TBL1XR1: variants seen among roughly 807,000 people sequenced by gnomAD.
The protein encoded by TBL1XR1 is F-box-like/WD repeat-containing protein TBL1XR1.
In TBL1XR1, 5 loss-of-function variants were observed where a neutral mutation model predicts 66.9. The ratio of observed to expected loss-of-function variants is 0.07; its 90% CI spans 0.04 to 0.16. TBL1XR1 has a LOEUF of 0.16. Among genes scored for constraint, TBL1XR1 ranks in the 10% least tolerant of loss-of-function variants. The pLI is 1.00. For synonymous variants in TBL1XR1, 210 were observed against 206.0 expected, an observed-to-expected ratio of 1.02 and a Z score of -0.17; for missense variants, 238 against 623.2, an observed-to-expected ratio of 0.38 and a Z score of 6.58.
chr3:177,183,616 T>A (rs1249855655), intron 1 of TBL1XR1, among the ~76,000 whole-genome samples: 1 of 151,616 alleles, frequency 6.6e-6, no homozygotes, highest in Non-Finnish European at 1.5e-5. Flanking sequence ...GTTCAAGTGA[T>A]TCTCCTGCCT....
At chr3:177,151,004 T>C (rs371374781) in intron 1 of TBL1XR1, among the ~76,000 whole-genome samples, 19 of 152,222 alleles carry the variant, frequency 1.2e-4, no homozygotes, top group African/African-American at 4.6e-4. Context: ...AATATACTTG[T>C]TTCTGAGGTA....
chr3:177,044,741 C>T lies in TBL1XR1; in HGVS notation c.925+1388G>A, dbSNP rs539255853. ...ATGGGTAAACTGAAGCTTATTTATT[C>T]GTAAAAATACTTTGATACTATGTAC... On this transcript the variant is annotated intron_variant, in intron 10 of 15. Coordinates refer to ENST00000457928, the MANE Select transcript of TBL1XR1 (RefSeq NM_024665.7). 5.3e-5 allele frequency: 8 copies of T among 152,158 alleles called. 1 individual carries two copies. The Middle Eastern group carries it at 0.017, about 323-fold the overall frequency. The allele number at this position is 152,158 out of a possible 1,614,324, so 9.4% of individuals were successfully genotyped here.
At chr3:177,114,025 T>C (rs1725978800) in intron 1 of TBL1XR1, among the ~76,000 whole-genome samples, 1 of 152,090 alleles carries the variant, frequency 6.6e-6, no homozygotes, top group Non-Finnish European at 1.5e-5. Context: ...GATACATAAT[T>C]ACAGTTAGAC....
intron 1 of TBL1XR1, among the ~76,000 whole-genome samples, chr3:177,146,531 G>A (rs1331055427): frequency 7.5e-6 from 1 of 133,268 alleles, no homozygotes; most frequent in African/African-American, 2.8e-5. Flanking sequence ...CGGAGGTTGT[G>A]GTAAGCCAAG....
At chr3:177,071,031 G>GTTTTTTTGTTTTTTTTTTTT (rs1719917475) in intron 2 of TBL1XR1, among the ~76,000 whole-genome samples, 2 of 104,716 alleles carry the variant, frequency 1.9e-5, no homozygotes, top group African/African-American at 7.7e-5. Context: ...CTGAGAATCT[G>GTTTTTTTGTTTTTTTTTTTT]TTTTTTTTTT....
intron 15 of TBL1XR1, chr3:177,026,103 C>T (rs1162475340): frequency 4.5e-6 from 2 of 445,470 alleles, no homozygotes; most frequent in Non-Finnish European, 7.8e-6. Context: ...GAATGTTCCT[C>T]TGGTATACCT....
At chr3:177,110,428 C>A (rs907385538) in intron 1 of TBL1XR1, among the ~76,000 whole-genome samples, 4 of 152,134 alleles carry the variant, frequency 2.6e-5, no homozygotes, top group Admixed American at 1.3e-4. Context: ...ATTTAAAATA[C>A]CTGACTAGGG....
At chr3:177,190,590 T>C (rs1335938322) in intron 1 of TBL1XR1, among the ~76,000 whole-genome samples, 1 of 152,284 alleles carries the variant, frequency 6.6e-6, no homozygotes, top group Non-Finnish European at 1.5e-5. Context: ...AGTGCAGAGA[T>C]TACAGGCGTG....
intron 1 of TBL1XR1, among the ~76,000 whole-genome samples, chr3:177,163,203 G>A (rs1732428050): frequency 6.6e-6 from 1 of 152,042 alleles, no homozygotes; most frequent in Non-Finnish European, 1.5e-5. Context: ...ATGTCTTGCA[G>A]CCATTTAAAA....
At chr3:177,199,443 T>TA, upstream of TBL1XR1, among the ~76,000 whole-genome samples, 1 of 152,060 alleles carries the variant, frequency 6.6e-6, no homozygotes, top group Non-Finnish European at 1.5e-5. Flanking sequence ...CTTCAGTAAG[T>TA]AAACTATCTC....
intron 1 of TBL1XR1, among the ~76,000 whole-genome samples, chr3:177,189,732 C>A (rs1735896563): frequency 6.6e-6 from 1 of 151,248 alleles, no homozygotes; most frequent in South Asian, 2.1e-4. Context: ...ACTAATACAG[C>A]ACAGTCTTAC....
intron 1 of TBL1XR1, among the ~76,000 whole-genome samples, chr3:177,189,669 G>C (rs950211123): frequency 7.2e-5 from 4 of 55,210 alleles, no homozygotes; most frequent in African/African-American, 3.8e-4. Flanking sequence ...AAAAAAAGAA[G>C]GATGTAACAC....
intron 3 of TBL1XR1, among the ~76,000 whole-genome samples, chr3:177,062,764 C>A (rs1229465112): frequency 6.6e-6 from 1 of 151,564 alleles, no homozygotes; most frequent in Non-Finnish European, 1.5e-5. Flanking sequence ...TTTTTTAATT[C>A]TTGGTTTATT....
At chr3:177,137,906 G>A (rs941488388) in intron 1 of TBL1XR1, among the ~76,000 whole-genome samples, 1 of 152,202 alleles carries the variant, frequency 6.6e-6, no homozygotes, top group African/African-American at 2.4e-5. Flanking sequence ...TGAGGTTGGG[G>A]CTGCAGTGAG....
At chr3:177,131,906 T>TAAAAAAAAAA (rs71626253) in intron 1 of TBL1XR1, among the ~76,000 whole-genome samples, 1 of 145,016 alleles carries the variant, frequency 6.9e-6, no homozygotes. Context: ...AGTGGAAGTT[T>TAAAAAAAAAA]AAAAAAAAAA....
chr3:177,026,699 T>C, intron 14 of TBL1XR1: 4 of 433,400 alleles, frequency 9.2e-6, no homozygotes, highest in Non-Finnish European at 1.6e-5. Flanking sequence ...ATTCAGTTTC[T>C]CCAGTCTTGA....
chr3:177,083,430 C>G (rs1210621413), intron 2 of TBL1XR1, among the ~76,000 whole-genome samples: 1 of 152,170 alleles, frequency 6.6e-6, no homozygotes, highest in Non-Finnish European at 1.5e-5. Flanking sequence ...GCATCATAAG[C>G]AGGTCACAGC....
chr3:177,189,616 A>G (rs1735865656), intron 1 of TBL1XR1, among the ~76,000 whole-genome samples: 1 of 148,620 alleles, frequency 6.7e-6, no homozygotes, highest in African/African-American at 2.5e-5. Context: ...GATCACATCC[A>G]GCCAGTCTGG....
chr3:177,031,704 T>C (rs768515216), intron 14 of TBL1XR1, among the ~76,000 whole-genome samples: 1 of 149,318 alleles, frequency 6.7e-6, no homozygotes, highest in Admixed American at 6.6e-5. Flanking sequence ...GGTGGGAGGA[T>C]CCCTTGGGCC....
Sources: gnomAD v4.1 joint callset for allele counts (sites outside exome capture counted in the v4.1 genomes callset) on GRCh38, gnomAD v4.1.1 for gene constraint, MANE v1.5 for transcripts, NCBI Gene and HGNC (gene_info 2026-07-23, HGNC 2026-07-21) for gene names.